MALRD1: variants seen among roughly 807,000 people sequenced by gnomAD.
MALRD1 encodes MAM and LDL-receptor class A domain-containing protein 1.
MALRD1 carries 247 observed loss-of-function variants against 242.1 expected under a neutral mutation model. The observed-to-expected ratio is 1.02, with a 90% confidence interval of 0.92 to 1.13. MALRD1 has a LOEUF of 1.13. Ranked by LOEUF, MALRD1 falls within the 50% of genes most tolerant of loss-of-function variation. The pLI, the probability that MALRD1 is intolerant of heterozygous loss-of-function variation, is 0.00. For synonymous variants in MALRD1, 995 were observed against 866.6 expected, an observed-to-expected ratio of 1.15 and a Z score of -2.60; for missense variants, 2,989 against 2,533.1, an observed-to-expected ratio of 1.18 and a Z score of -3.86.
At chr10:19,311,921 TG>T (rs1269992403) in intron 21 of MALRD1, among the ~76,000 whole-genome samples, 1 of 151,534 alleles carries the variant, frequency 6.6e-6, no homozygotes, top group African/African-American at 2.4e-5. Context: ...CACAAAACAC[TG>T]TGGTGATATT....
At chr10:19,077,937 A>G (rs1354092010) in intron 2 of MALRD1, among the ~76,000 whole-genome samples, 1 of 151,824 alleles carries the variant, frequency 6.6e-6, no homozygotes, top group Admixed American at 6.6e-5. Flanking sequence ...CATTCTTCAA[A>G]CCTCAAAGCA....
intron 33 of MALRD1, among the ~76,000 whole-genome samples, chr10:19,579,727 A>G (rs754723985): frequency 6.6e-6 from 1 of 152,214 alleles, no homozygotes. Flanking sequence ...AATACCAACC[A>G]AAAACGGTAG....
chr10:19,052,707 C>A (rs190948446), intron 1 of MALRD1, among the ~76,000 whole-genome samples: 83 of 152,172 alleles, frequency 5.5e-4, no homozygotes, highest in African/African-American at 1.9e-3. Context: ...TGCCTGCACC[C>A]CTGGTTTCTT....
chr10:19,398,486 G>T (rs1211366251), intron 28 of MALRD1, among the ~76,000 whole-genome samples: 1 of 152,118 alleles, frequency 6.6e-6, no homozygotes, highest in African/African-American at 2.4e-5. Context: ...GACAGCCAAA[G>T]TATTATAATG....
rs147295739 is a variant in MALRD1, at chr10:19,659,758, C to T, written c.6138-32524C>T. Among the ~76,000 whole-genome samples the T allele has an allele frequency of 6.3e-3, 959 of 152,166 alleles. 11 individuals carry two copies. Among genetic ancestry groups the T allele is most frequent in the African/African-American group, 0.022 (919 of 41,526 alleles). ...GTCAATAAATAAAATATATAAGGTA[C>T]TCATGCCCCTGTTGCATTTCTTCCT... On this transcript the variant is annotated intron_variant, in intron 36 of 39. Coordinates refer to ENST00000454679, the MANE Select transcript of MALRD1 (RefSeq NM_001142308.3).
intron 36 of MALRD1, among the ~76,000 whole-genome samples, chr10:19,621,487 A>AGG (rs1345383497): frequency 6.6e-6 from 1 of 151,682 alleles, no homozygotes; most frequent in African/African-American, 2.4e-5. Context: ...AGGATGATAT[A>AGG]TTCAAATGTA....
intron 13 of MALRD1, among the ~76,000 whole-genome samples, chr10:19,168,897 C>G (rs1342650078): frequency 1.3e-5 from 2 of 152,066 alleles, no homozygotes; most frequent in Admixed American, 6.6e-5. Context: ...CTGTGCCTCC[C>G]CACTTAATCT....
At chr10:19,176,197 T>TA (rs1238032449) in intron 14 of MALRD1, among the ~76,000 whole-genome samples, 2 of 152,024 alleles carry the variant, frequency 1.3e-5, no homozygotes, top group Non-Finnish European at 2.9e-5. Flanking sequence ...TATATATACT[T>TA]AAACAACATA....
chr10:19,171,920 A>C (rs1290972357), intron 13 of MALRD1, among the ~76,000 whole-genome samples: 7 of 127,250 alleles, frequency 5.5e-5, no homozygotes, highest in Non-Finnish European at 1.2e-4. Flanking sequence ...TATGATATAT[A>C]CATATATGTG....
At chr10:19,135,637 A>G (rs1833309351) in intron 9 of MALRD1, among the ~76,000 whole-genome samples, 1 of 152,218 alleles carries the variant, frequency 6.6e-6, no homozygotes. Flanking sequence ...CACTGATCAC[A>G]TGAGGCTATT....
At position 19,451,903 on chromosome 10, in the gene MALRD1, G is replaced by A. The variant is rs547871898; in HGVS notation, c.5029+1413G>A. Among the ~76,000 whole-genome samples, 9 of 152,224 alleles carry A rather than the reference G, an allele frequency of 5.9e-5. No individual in the cohort carries two copies. In the South Asian group the frequency reaches 1.9e-3, roughly 32 times the overall value. ...CCATGTAAGGAGCATGTAGCTCCAGGTATCTATGTCATGCAGGAGACAGGA... is the reference window on the plus strand; with the variant it reads ...CCATGTAAGGAGCATGTAGCTCCAGATATCTATGTCATGCAGGAGACAGGA... On this transcript the variant is annotated intron_variant, in intron 29 of 39. Transcript: ENST00000454679.
chr10:19,288,911 G>A (rs1467810781), intron 21 of MALRD1, among the ~76,000 whole-genome samples: 1 of 152,048 alleles, frequency 6.6e-6, no homozygotes, highest in East Asian at 1.9e-4. Context: ...TTATACTAAA[G>A]AGATTCACAA....
chr10:19,135,749 T>G (rs1309518010), intron 9 of MALRD1, among the ~76,000 whole-genome samples: 2 of 152,224 alleles, frequency 1.3e-5, no homozygotes, highest in African/African-American at 4.8e-5. Flanking sequence ...GCTAATGTTT[T>G]GGACAGCAAA....
intron 8 of MALRD1, among the ~76,000 whole-genome samples, chr10:19,133,556 T>C (rs548627969): frequency 5.3e-5 from 8 of 152,352 alleles, no homozygotes; most frequent in African/African-American, 1.9e-4. Flanking sequence ...TATTAACTGT[T>C]ATTTAGAATT....
chr10:19,112,549 C>T (rs1207158632), intron 5 of MALRD1, among the ~76,000 whole-genome samples: 1 of 152,094 alleles, frequency 6.6e-6, no homozygotes, highest in East Asian at 1.9e-4. Flanking sequence ...TTTTTTGTAT[C>T]TGCCTTACTA....
chr10:19,100,069 CT>C (rs931236433), intron 4 of MALRD1, among the ~76,000 whole-genome samples: 3 of 151,890 alleles, frequency 2.0e-5, no homozygotes, highest in Admixed American at 6.6e-5. Flanking sequence ...AAATTTTTTT[CT>C]TTTTTTTAAT....
At chr10:19,547,800 ATATATATATATATATATATTT>A (rs1183378938) in intron 32 of MALRD1, among the ~76,000 whole-genome samples, 1 of 15,020 alleles carries the variant, frequency 6.7e-5, no homozygotes, top group Non-Finnish European at 1.8e-4. Context: ...ATATATATAT[ATATATATATATATATATATTT>A]TTTTTTTTTT....
At chr10:19,715,100 T>C (rs1834322082) in intron 38 of MALRD1, among the ~76,000 whole-genome samples, 1 of 152,194 alleles carries the variant, frequency 6.6e-6, no homozygotes, top group Non-Finnish European at 1.5e-5. Context: ...TTATTGCTCC[T>C]TATTTCCCTA....
intron 13 of MALRD1, among the ~76,000 whole-genome samples, chr10:19,169,172 C>T (rs1421757641): frequency 1.3e-5 from 2 of 151,938 alleles, no homozygotes; most frequent in South Asian, 2.1e-4. Context: ...AGTGCTGCCC[C>T]CAATCTCCCA....
Sources: gnomAD v4.1 joint callset for allele counts (sites outside exome capture counted in the v4.1 genomes callset) on GRCh38, gnomAD v4.1.1 for gene constraint, MANE v1.5 for transcripts, NCBI Gene and HGNC (gene_info 2026-07-23, HGNC 2026-07-21) for gene names.